Variants in BCAS1 observed in about 807,000 individuals in gnomAD.
BCAS1 encodes the protein breast carcinoma-amplified sequence 1.
In BCAS1, 46 loss-of-function variants were observed where a neutral mutation model predicts 65.4. The ratio of observed to expected loss-of-function variants is 0.70; its 90% CI spans 0.55 to 0.90. BCAS1 has a LOEUF of 0.90. Among genes scored for constraint, BCAS1 ranks in the 40% least tolerant of loss-of-function variants. The probability of loss-of-function intolerance (pLI) is 0.00; values close to 1 mark genes in which losing one functional copy is unlikely to be tolerated. For missense variants in BCAS1, 793 were observed against 771.2 expected, an observed-to-expected ratio of 1.03 and a Z score of -0.33; for synonymous variants, 298 against 293.5, an observed-to-expected ratio of 1.02 and a Z score of -0.16.
Position 53,944,845 on chromosome 20 carries a change from C to T in BCAS1, c.*77G>A, listed in dbSNP as rs1217639057. 9 of 1,292,724 alleles carry T rather than the reference C, an allele frequency of 7.0e-6. No homozygotes were observed. The highest frequency in any genetic ancestry group is 4.4e-5 in the African/African-American group (3 of 68,442). 80.1% of individuals were successfully genotyped at this position (1,292,724 alleles called of 1,614,324 possible). ...CCATCAGAAGAATATATACATGGAG[C>T]GTGTTTGGGGAGGAGATGGAGTAAG... On this transcript the variant is annotated 3_prime_UTR_variant, in exon 13 of 13. Transcript: ENST00000688948.
Position 53,953,420 on chromosome 20 carries a change from A to AG in BCAS1, c.1815+11_1815+12insC, listed in dbSNP as rs1236062171. On this transcript the variant is annotated intron_variant, in intron 12 of 12. Transcript: ENST00000688948. Reference sequence around the variant, plus strand: ...AGAGCCCAGAAAGAAGAGGCAAAAAAAATCCACCTACCAGGCCTTTAAAGA... The same window carrying AG: ...AGAGCCCAGAAAGAAGAGGCAAAAAAGAATCCACCTACCAGGCCTTTAAAGA... The AG allele has an allele frequency of 6.2e-7, 1 of 1,612,160 alleles. No individual in the cohort carries two copies.
At chr20:53,946,489 T>TA (rs11481256) in intron 12 of BCAS1, among the ~76,000 whole-genome samples, 12,657 of 145,196 alleles carry the variant, frequency 0.087, 723 homozygotes, top group African/African-American at 0.16. Context: ...AGTATAAGAT[T>TA]TATATATTGT....
intron 4 of BCAS1, among the ~76,000 whole-genome samples, chr20:54,018,568 C>T (rs2091489854): frequency 7.2e-5 from 11 of 152,122 alleles, no homozygotes; most frequent in Admixed American, 7.2e-4. Flanking sequence ...GATCTCCTGA[C>T]CTCGTGATCC....
intron 4 of BCAS1, among the ~76,000 whole-genome samples, chr20:54,011,131 GA>G (rs199948179): frequency 0.012 from 1,752 of 149,832 alleles, 24 homozygotes; most frequent in Non-Finnish European, 0.015. Context: ...AAACTTTTAG[GA>G]AAAAAATAAG....
chr20:53,996,543 G>A (rs2090919992), intron 4 of BCAS1, among the ~76,000 whole-genome samples: 1 of 151,932 alleles, frequency 6.6e-6, no homozygotes, highest in African/African-American at 2.4e-5. Context: ...TGAGATATGA[G>A]GTTCATCTGT....
At chr20:53,956,748 C>CA (rs1456335969) in intron 11 of BCAS1, among the ~76,000 whole-genome samples, 1 of 151,390 alleles carries the variant, frequency 6.6e-6, no homozygotes, top group Non-Finnish European at 1.5e-5. Context: ...TCTATATTGT[C>CA]AAAACTACTA....
intron 10 of BCAS1, among the ~76,000 whole-genome samples, chr20:53,960,038 T>C (rs2089827652): frequency 6.6e-6 from 1 of 152,210 alleles, no homozygotes; most frequent in South Asian, 2.1e-4. Flanking sequence ...GAGCCCTTCC[T>C]ACTCAAGCCC....
chr20:53,963,261 C>A (rs1392796030), intron 10 of BCAS1, among the ~76,000 whole-genome samples: 1 of 151,768 alleles, frequency 6.6e-6, no homozygotes, highest in African/African-American at 2.4e-5. Context: ...GCGGGTGGAT[C>A]ACCTGAGATC....
intron 5 of BCAS1, 96 bp from the exon 6 acceptor site, chr20:53,995,152 C>T: frequency 1.0e-6 from 1 of 998,090 alleles, no homozygotes; most frequent in Non-Finnish European, 1.6e-6. Context: ...GTCCAGTTCA[C>T]CATACAGGTC....
At chr20:53,969,270 A>G (rs1396427325) in intron 9 of BCAS1, among the ~76,000 whole-genome samples, 2 of 152,040 alleles carry the variant, frequency 1.3e-5, no homozygotes, top group Non-Finnish European at 1.5e-5. Flanking sequence ...CACTCAATTA[A>G]TGCTAGTGGT....
chr20:53,985,338 C>T lies in BCAS1; in HGVS notation c.1224G>A (p.Lys408=). 1.9e-6 allele frequency: 3 copies of T among 1,613,972 alleles called. No individual in the cohort carries two copies. The highest frequency in any genetic ancestry group is 2.5e-6 in the Non-Finnish European group (3 of 1,179,952). Residue 408 remains lysine, a synonymous_variant, in exon 8 of 13, where the codon AAG becomes AAA. Coordinates refer to ENST00000688948, the MANE Select transcript of BCAS1 (RefSeq NM_001366298.2). ...TTPEPAKEGT[K]EKSGPTSLPL... ...GCAGAGAGGTGGGTCCTGATTTCTC[C>T]TTGGTGCCTTCCTTCGCAGGTTCAG... is the stretch of plus-strand genomic sequence containing the variant.
intron 4 of BCAS1, among the ~76,000 whole-genome samples, chr20:54,016,607 T>C (rs2091443932): frequency 6.6e-6 from 1 of 152,244 alleles, no homozygotes. Flanking sequence ...AATTGCATAC[T>C]GCCAAAGCGC....
intron 12 of BCAS1, among the ~76,000 whole-genome samples, chr20:53,948,901 C>T (rs1441672799): frequency 1.3e-5 from 2 of 152,190 alleles, no homozygotes. Context: ...CTCTTTCCAA[C>T]CCTCGGTCTC....
chr20:53,995,160 G>T, intron 5 of BCAS1, 104 bp from the exon 6 acceptor site: 1 of 921,812 alleles, frequency 1.1e-6, no homozygotes, highest in Non-Finnish European at 1.7e-6. Flanking sequence ...CACCATACAG[G>T]TCAAGAATAA....
intron 3 of BCAS1, among the ~76,000 whole-genome samples, chr20:54,056,323 G>A (rs971679462): frequency 1.3e-5 from 2 of 152,130 alleles, no homozygotes; most frequent in Non-Finnish European, 2.9e-5. Context: ...GATGGAACTG[G>A]AGGCCATTAT....
intron 8 of BCAS1, among the ~76,000 whole-genome samples, chr20:53,982,287 A>AATCC: frequency 6.6e-6 from 1 of 152,334 alleles, no homozygotes; most frequent in East Asian, 1.9e-4. Context: ...AGCAAGTGAG[A>AATCC]ATCCAATTTA....
intron 1 of BCAS1, among the ~76,000 whole-genome samples, chr20:54,063,323 A>C (rs1266238673): frequency 2.0e-5 from 3 of 152,216 alleles, no homozygotes; most frequent in Non-Finnish European, 4.4e-5. Flanking sequence ...GTATGGAGTC[A>C]AACCAGTGAA....
intron 3 of BCAS1, among the ~76,000 whole-genome samples, chr20:54,040,513 G>A (rs562074276): frequency 1.7e-4 from 26 of 151,424 alleles, no homozygotes; most frequent in African/African-American, 3.4e-4. Context: ...AAGAGGCTCA[G>A]GGTGCAGCAA....
chr20:54,064,741 A>C (rs1396061847), intron 1 of BCAS1, among the ~76,000 whole-genome samples: 1 of 152,258 alleles, frequency 6.6e-6, no homozygotes, highest in Non-Finnish European at 1.5e-5. Context: ...TGGGCAAAGC[A>C]CTTGACCCTT....
Sources: allele counts gnomAD v4.1 joint callset (sites outside exome capture counted in the v4.1 genomes callset), GRCh38; gene constraint gnomAD v4.1.1; transcripts MANE v1.5; gene names NCBI Gene and HGNC (gene_info 2026-07-23, HGNC 2026-07-21).